KIF16B: variants seen among roughly 807,000 people sequenced by gnomAD.
The protein encoded by KIF16B is kinesin family member 16B.
KIF16B carries 98 observed loss-of-function variants against 156.3 expected under a neutral mutation model. The observed-to-expected ratio is 0.63, with a 90% CI of 0.53 to 0.74. KIF16B has a LOEUF of 0.74. Ranked by LOEUF, KIF16B falls within the 30% of genes least tolerant of loss-of-function variation. The pLI is 0.00. For missense variants in KIF16B, 1,421 were observed against 1,606.5 expected (o/e 0.88, Z 1.97); for synonymous variants, 564 against 583.7 (o/e 0.97, Z 0.49).
intron 11 of KIF16B, 66 bp from the exon 12 acceptor site, chr20:16,494,416 C>T (rs759164438): frequency 3.6e-5 from 37 of 1,038,662 alleles, no homozygotes; most frequent in Non-Finnish European, 4.6e-5. Context: ...TTCTAGTTTC[C>T]GAACTCTAAT....
chr20:16,328,157 C>G (rs370162541), intron 24 of KIF16B, among the ~76,000 whole-genome samples: 1 of 152,160 alleles, frequency 6.6e-6, no homozygotes, highest in Non-Finnish European at 1.5e-5. Context: ...TAGTCGTTTT[C>G]TTCCCTCCCA....
chr20:16,411,082 C>T (rs1184598603), intron 15 of KIF16B, among the ~76,000 whole-genome samples: 1 of 152,098 alleles, frequency 6.6e-6, no homozygotes, highest in African/African-American at 2.4e-5. Flanking sequence ...TACTTTATCA[C>T]CACAAATCTT....
chr20:16,376,951 T>C (rs771571799), intron 19 of KIF16B, among the ~76,000 whole-genome samples: 1 of 152,218 alleles, frequency 6.6e-6, no homozygotes, highest in Admixed American at 6.5e-5. Flanking sequence ...GGGTTTTTGA[T>C]TGTTATTTTG....
chr20:16,469,369 A>G (rs1318290403), intron 12 of KIF16B, among the ~76,000 whole-genome samples: 1 of 151,702 alleles, frequency 6.6e-6, no homozygotes, highest in East Asian at 1.9e-4. Flanking sequence ...TAGATTAAAC[A>G]ACACACTTCT....
intron 23 of KIF16B, among the ~76,000 whole-genome samples, chr20:16,340,288 C>T (rs1279132080): frequency 6.6e-6 from 1 of 152,188 alleles, no homozygotes. Flanking sequence ...TGTTGGATAT[C>T]CTATCTAAAA....
intron 12 of KIF16B, among the ~76,000 whole-genome samples, chr20:16,466,318 A>C (rs2067488905): frequency 6.6e-6 from 1 of 152,236 alleles, no homozygotes; most frequent in South Asian, 2.1e-4. Context: ...CAGAGAAGTG[A>C]GGTTACAAGG....
chr20:16,370,159 C>A (rs1195715862), intron 22 of KIF16B, among the ~76,000 whole-genome samples: 1 of 152,082 alleles, frequency 6.6e-6, no homozygotes, highest in Non-Finnish European at 1.5e-5. Context: ...CCCAAATAAA[C>A]CTTGGTTTGA....
At chr20:16,508,725 G>A (rs1038448254) in intron 6 of KIF16B, among the ~76,000 whole-genome samples, 1 of 152,128 alleles carries the variant, frequency 6.6e-6, no homozygotes, top group Non-Finnish European at 1.5e-5. Flanking sequence ...CCGGGGGTTA[G>A]AGGCCTCTGA....
chr20:16,399,102 A>G (rs1171411829), intron 17 of KIF16B, among the ~76,000 whole-genome samples: 1 of 152,146 alleles, frequency 6.6e-6, no homozygotes, highest in African/African-American at 2.4e-5. Context: ...GATTCCTGTT[A>G]AAACTGGTTC....
chr20:16,506,018 A>C lies in KIF16B; in HGVS notation c.868+4T>G, dbSNP rs752806522. The C allele has an allele frequency of 2.5e-6, 4 of 1,614,156 alleles. No individual in the cohort carries two copies. The South Asian group carries it at 3.3e-5, about 13-fold the overall frequency. On this transcript the variant is annotated splice_donor_region_variant and intron_variant, in intron 8 of 25. Coordinates refer to ENST00000354981, the MANE Select transcript of KIF16B (RefSeq NM_024704.5). The stretch of plus-strand genomic sequence containing the variant: ...GAGGAGGCAGGAGCCAGGCGTAAGC[A>C]TACCTAAGGCAGAAATGACGTTCCC...
At chr20:16,316,027 T>C (rs963327020) in intron 24 of KIF16B, among the ~76,000 whole-genome samples, 13 of 152,304 alleles carry the variant, frequency 8.5e-5, no homozygotes, top group African/African-American at 2.9e-4. Flanking sequence ...CCCTCTGATA[T>C]AGTAGAAACC....
chr20:16,349,950 T>C (rs2064304242), intron 23 of KIF16B, among the ~76,000 whole-genome samples: 1 of 152,284 alleles, frequency 6.6e-6, no homozygotes, highest in South Asian at 2.1e-4. Flanking sequence ...CTGGGGTACT[T>C]GATAATTATT....
At chr20:16,457,488 G>A (rs1337003026) in intron 12 of KIF16B, among the ~76,000 whole-genome samples, 2 of 152,146 alleles carry the variant, frequency 1.3e-5, no homozygotes, top group Non-Finnish European at 2.9e-5. Flanking sequence ...TGCCCCAGGA[G>A]ATATTACAAG....
chr20:16,475,072 T>C (rs2067771658), intron 12 of KIF16B, among the ~76,000 whole-genome samples: 1 of 152,248 alleles, frequency 6.6e-6, no homozygotes, highest in African/African-American at 2.4e-5. Context: ...TTGTCTCCAG[T>C]TCTTTCACAA....
chr20:16,368,202 C>G lies in KIF16B; in HGVS notation c.3498+2384G>C, dbSNP rs556241327. On this transcript the variant is annotated intron_variant, in intron 22 of 25. Transcript: ENST00000354981. ...GGTCCGGGAATTGCACAAGGCTCTGCTTAAATGCAGAGCTCTTTCTAGCAT... is the reference window on the plus strand; with the variant it reads ...GGTCCGGGAATTGCACAAGGCTCTGGTTAAATGCAGAGCTCTTTCTAGCAT... 71 of 1,046,056 alleles carry G rather than the reference C, an allele frequency of 6.8e-5. No individual in the cohort carries two copies. In the South Asian group the frequency reaches 2.5e-3, roughly 36 times the overall value. 64.8% of individuals were successfully genotyped at this position (1,046,056 alleles called of 1,614,324 possible). A position where few individuals can be genotyped will look rare whatever the true frequency, so the allele number is the denominator to read the frequency against.
At chr20:16,402,215 C>A (rs1243555613) in intron 17 of KIF16B, among the ~76,000 whole-genome samples, 1 of 152,144 alleles carries the variant, frequency 6.6e-6, no homozygotes, top group Non-Finnish European at 1.5e-5. Flanking sequence ...AGTCTTAGAC[C>A]AAACATCCCT....
chr20:16,446,698 C>T (rs1318401404), intron 12 of KIF16B, among the ~76,000 whole-genome samples: 1 of 152,092 alleles, frequency 6.6e-6, no homozygotes, highest in Non-Finnish European at 1.5e-5. Context: ...TCCCTGGATT[C>T]TAATGTTAAA....
intron 17 of KIF16B, among the ~76,000 whole-genome samples, chr20:16,398,357 C>CCA (rs1335820081): frequency 6.6e-6 from 1 of 152,158 alleles, no homozygotes; most frequent in African/African-American, 2.4e-5. Flanking sequence ...TTGGAAGTCA[C>CCA]CACCTGGTAG....
At chr20:16,558,776 C>G (rs943430183) in intron 1 of KIF16B, among the ~76,000 whole-genome samples, 1 of 151,874 alleles carries the variant, frequency 6.6e-6, no homozygotes, top group Non-Finnish European at 1.5e-5. Context: ...CGGTGGTAGG[C>G]GCCTGTAATC....
Sources: gnomAD v4.1 joint callset for allele counts (sites outside exome capture counted in the v4.1 genomes callset) on GRCh38, gnomAD v4.1.1 for gene constraint, MANE v1.5 for transcripts, NCBI Gene and HGNC (gene_info 2026-07-23, HGNC 2026-07-21) for gene names.